The following HMBOX1 variants were observed in gnomAD, a reference collection of about 807,000 sequenced individuals.
HMBOX1 encodes homeobox containing 1.
Under a neutral mutation model 54.5 loss-of-function variants are expected in HMBOX1, and 14 were observed. The ratio of observed to expected loss-of-function variants is 0.26; its 90% CI spans 0.17 to 0.40. HMBOX1 has a LOEUF of 0.40. HMBOX1 is among the 10% of genes least tolerant of loss of function. The probability of loss-of-function intolerance (pLI) is 1.00; values close to 1 mark genes in which losing one functional copy is unlikely to be tolerated. For synonymous variants in HMBOX1, 160 were observed against 181.0 expected (o/e 0.88, Z 0.93); for missense variants, 332 against 514.4 (o/e 0.65, Z 3.43).
At chr8:28,946,303 T>C (rs1822444696) in intron 1 of HMBOX1, among the ~76,000 whole-genome samples, 1 of 151,844 alleles carries the variant, frequency 6.6e-6, no homozygotes, top group Non-Finnish European at 1.5e-5. Context: ...GGTGGGTGGC[T>C]CATGCCTGAA....
chr8:28,958,755 T>C (rs1263228651), intron 1 of HMBOX1, among the ~76,000 whole-genome samples: 1 of 152,210 alleles, frequency 6.6e-6, no homozygotes, highest in African/African-American at 2.4e-5. Context: ...GAATAATATT[T>C]GCCCTTCTTA....
intron 3 of HMBOX1, among the ~76,000 whole-genome samples, chr8:28,976,393 C>A (rs7842930): frequency 0.42 from 64,415 of 151,980 alleles, 15,137 homozygotes; most frequent in Non-Finnish European, 0.53. Context: ...AGTATTGATG[C>A]TTTTTGTTGT....
chr8:29,049,741 G>C (rs1806158635), intron 9 of HMBOX1: 1 of 203,696 alleles, frequency 4.9e-6, no homozygotes, highest in Non-Finnish European at 9.8e-6. Context: ...GATGTTGACA[G>C]ATTTCATTAA....
At chr8:29,024,616 G>C (rs1241121284) in intron 6 of HMBOX1, among the ~76,000 whole-genome samples, 1 of 152,006 alleles carries the variant, frequency 6.6e-6, no homozygotes, top group Non-Finnish European at 1.5e-5. Context: ...TAAATCTTAA[G>C]GCAGTAATAG....
intron 5 of HMBOX1, among the ~76,000 whole-genome samples, chr8:29,017,602 T>C (rs1835220473): frequency 6.6e-6 from 1 of 152,244 alleles, no homozygotes; most frequent in Admixed American, 6.5e-5. Flanking sequence ...AGTGAAAGAT[T>C]AATTTGAGAA....
At chr8:28,939,182 G>T (rs773998953) in intron 1 of HMBOX1, among the ~76,000 whole-genome samples, 1 of 151,818 alleles carries the variant, frequency 6.6e-6, no homozygotes, top group Non-Finnish European at 1.5e-5. Flanking sequence ...CCAGCTACTC[G>T]GGAGGCTGAG....
intron 1 of HMBOX1, among the ~76,000 whole-genome samples, chr8:28,953,785 C>T (rs936389226): frequency 1.3e-5 from 2 of 152,154 alleles, no homozygotes; most frequent in African/African-American, 4.8e-5. Flanking sequence ...ACTGTTCAAG[C>T]TGGGTGATAG....
At chr8:28,900,271 A>ATATATATAT (rs1554519262) in intron 1 of HMBOX1, among the ~76,000 whole-genome samples, 2,660 of 69,928 alleles carry the variant, frequency 0.038, 83 homozygotes, top group Admixed American at 0.098. Flanking sequence ...AAAAAAAAAA[A>ATATATATAT]ATATATATAT....
chr8:28,973,152 A>G (rs1827717526), intron 3 of HMBOX1, among the ~76,000 whole-genome samples: 1 of 152,136 alleles, frequency 6.6e-6, no homozygotes, highest in Admixed American at 6.5e-5. Context: ...GATAATAACA[A>G]TCCTTGGATC....
intron 1 of HMBOX1, among the ~76,000 whole-genome samples, chr8:28,918,937 T>C (rs1817060333): frequency 1.3e-5 from 2 of 152,206 alleles, no homozygotes; most frequent in South Asian, 4.1e-4. Flanking sequence ...GACATCCAAA[T>C]AACTATAGCA....
chr8:28,932,036 G>C (rs981050702), intron 1 of HMBOX1, among the ~76,000 whole-genome samples: 7 of 152,192 alleles, frequency 4.6e-5, no homozygotes, highest in African/African-American at 1.7e-4. Flanking sequence ...GGTTATGATA[G>C]TATTTTAAAC....
At chr8:28,958,376 ATTC>A (rs1477407713) in intron 1 of HMBOX1, among the ~76,000 whole-genome samples, 1 of 152,134 alleles carries the variant, frequency 6.6e-6, no homozygotes, top group Non-Finnish European at 1.5e-5. Flanking sequence ...TTGCCAGTTA[ATTC>A]TTTTCTGTCT....
intron 5 of HMBOX1, among the ~76,000 whole-genome samples, chr8:29,018,392 TTTAG>T (rs1358224447): frequency 2.0e-5 from 3 of 152,206 alleles, no homozygotes; most frequent in Non-Finnish European, 4.4e-5. Flanking sequence ...GGAGACCTGA[TTTAG>T]TTAGTAGACA....
chr8:28,961,527 CA>C (rs935361645), intron 1 of HMBOX1, among the ~76,000 whole-genome samples: 32 of 152,144 alleles, frequency 2.1e-4, no homozygotes, highest in African/African-American at 7.7e-4. Context: ...GTTTTTGTGT[CA>C]GAGTTTCCTT....
chr8:29,011,885 C>T (rs1342683506), intron 5 of HMBOX1, among the ~76,000 whole-genome samples: 2 of 152,134 alleles, frequency 1.3e-5, no homozygotes, highest in African/African-American at 4.8e-5. Context: ...TACATAGTGC[C>T]TCCTTTTAAG....
chr8:29,042,229 AAGG>A (rs1563636725), intron 6 of HMBOX1, among the ~76,000 whole-genome samples: 4 of 152,162 alleles, frequency 2.6e-5, no homozygotes, highest in African/African-American at 9.7e-5. Flanking sequence ...GCAGGAAAGA[AAGG>A]AGAGTTGAGA....
chr8:28,967,337 T>A lies in HMBOX1; in HGVS notation c.24-2706T>A, dbSNP rs73556621. 5.2e-3 allele frequency among the ~76,000 whole-genome samples: 786 copies of A among 152,364 alleles called. 4 individuals are homozygous for A. Among genetic ancestry groups the A allele is most frequent in the African/African-American group, 0.017 (692 of 41,590 alleles). The stretch of plus-strand genomic sequence containing the variant: ...TTATGACTTGGAATAAAAGTGGTTC[T>A]AATAGTCAATGAATCTGAAATGACA... On this transcript the variant is annotated intron_variant, in intron 2 of 9. Coordinates refer to ENST00000287701, the MANE Select transcript of HMBOX1 (RefSeq NM_001135726.3).
chr8:29,013,053 A>C (rs546195626), intron 5 of HMBOX1, among the ~76,000 whole-genome samples: 1 of 152,356 alleles, frequency 6.6e-6, no homozygotes, highest in African/African-American at 2.4e-5. Flanking sequence ...AAATTTAAGC[A>C]TTTAGAAAAC....
chr8:29,008,986 C>A, intron 4 of HMBOX1, 86 bp from the exon 5 acceptor site: 1 of 983,098 alleles, frequency 1.0e-6, no homozygotes, highest in Non-Finnish European at 1.6e-6. Context: ...GAGAATAAAG[C>A]ACCCAGTAAC....
Sources: gnomAD v4.1 joint callset for allele counts (sites outside exome capture counted in the v4.1 genomes callset) on GRCh38, gnomAD v4.1.1 for gene constraint, MANE v1.5 for transcripts, NCBI Gene and HGNC (gene_info 2026-07-23, HGNC 2026-07-21) for gene names.